The following LSAMP variants were observed in gnomAD, a reference collection of about 807,000 sequenced individuals.
LSAMP encodes limbic system-associated membrane protein.
In LSAMP, 7 loss-of-function variants were observed where a neutral mutation model predicts 38.6. The ratio of observed to expected loss-of-function variants is 0.18; its 90% CI spans 0.10 to 0.34. The LOEUF (loss-of-function observed/expected upper bound fraction) is 0.34, where lower values mean the gene tolerates loss of function less well. Among genes scored for constraint, LSAMP ranks in the 10% least tolerant of loss-of-function variants. LSAMP has a pLI of 1.00. For synonymous variants in LSAMP, 154 were observed against 166.8 expected (o/e 0.92, Z 0.59); for missense variants, 313 against 420.0 (o/e 0.75, Z 2.23).
intron 6 of LSAMP, among the ~76,000 whole-genome samples, chr3:115,824,305 T>A (rs1309894714): frequency 6.6e-6 from 1 of 152,224 alleles, no homozygotes; most frequent in Non-Finnish European, 1.5e-5. Flanking sequence ...TCTCTGCCCT[T>A]GTGCCTAAAA....
intron 1 of LSAMP, among the ~76,000 whole-genome samples, chr3:116,090,450 G>T (rs1708095110): frequency 6.6e-6 from 1 of 152,148 alleles, no homozygotes; most frequent in South Asian, 2.1e-4. Flanking sequence ...TGGCTCAACT[G>T]TGCATTAGGC....
chr3:116,226,397 C>T (rs750814266), intron 1 of LSAMP, among the ~76,000 whole-genome samples: 1 of 152,132 alleles, frequency 6.6e-6, no homozygotes, highest in African/African-American at 2.4e-5. Context: ...TTTCTGACAC[C>T]CCTTGGTTCC....
chr3:116,218,214 C>A (rs534536382), intron 1 of LSAMP, among the ~76,000 whole-genome samples: 20 of 152,048 alleles, frequency 1.3e-4, no homozygotes, highest in African/African-American at 4.3e-4. Flanking sequence ...GTCAGACTTA[C>A]CTACTAGATT....
chr3:115,930,051 G>A (rs1050580765), intron 3 of LSAMP, among the ~76,000 whole-genome samples: 1 of 110,498 alleles, frequency 9.0e-6, no homozygotes, highest in Non-Finnish European at 1.7e-5. Context: ...GTCTTGTGAA[G>A]TATTGAAGCC....
intron 3 of LSAMP, among the ~76,000 whole-genome samples, chr3:115,978,152 A>G (rs114368724): frequency 0.013 from 2,052 of 152,174 alleles, 44 homozygotes; most frequent in African/African-American, 0.045. Flanking sequence ...AACACCTGCC[A>G]CCACGCCCAG....
Position 116,164,760 on chromosome 3 carries a change from A to ATT in LSAMP, c.156-78206_156-78205dup, listed in dbSNP as rs1553709491. 9.8e-5 allele frequency among the ~76,000 whole-genome samples: 9 copies of ATT among 91,644 alleles called. 1 individual carries two copies. Among genetic ancestry groups the ATT allele is most frequent in the African/African-American group, 4.0e-4 (8 of 20,004 alleles). 60.1% of individuals were successfully genotyped at this position (91,644 alleles called of 152,430 possible). On this transcript the variant is annotated intron_variant, in intron 1 of 6. Transcript: ENST00000490035. Reference sequence around the variant, plus strand: ...TATATATCCATATATATATATATATATTTTTTTTTTTTTTCAAGTAGCATC... The same window carrying ATT: ...TATATATCCATATATATATATATATATTTTTTTTTTTTTTTTCAAGTAGCATC...
chr3:116,171,876 T>C (rs1474427497), intron 1 of LSAMP, among the ~76,000 whole-genome samples: 2 of 152,070 alleles, frequency 1.3e-5, no homozygotes, highest in African/African-American at 4.8e-5. Flanking sequence ...GACCAGTTCA[T>C]TGTGGTTCCT....
intron 3 of LSAMP, among the ~76,000 whole-genome samples, chr3:115,961,311 G>C (rs1352259859): frequency 1.3e-5 from 2 of 152,206 alleles, no homozygotes; most frequent in African/African-American, 4.8e-5. Flanking sequence ...TAGCAAGCTG[G>C]CCACATTCAC....
chr3:116,050,360 T>G (rs1169402115), intron 2 of LSAMP, among the ~76,000 whole-genome samples: 1 of 152,156 alleles, frequency 6.6e-6, no homozygotes, highest in Admixed American at 6.5e-5. Context: ...CTTGATTTCC[T>G]TACCCCCTGC....
chr3:115,852,754 C>A, intron 3 of LSAMP, 137 bp from the exon 4 acceptor site: 2 of 849,748 alleles, frequency 2.4e-6, no homozygotes, highest in Non-Finnish European at 3.4e-6. Flanking sequence ...ACATCAGATT[C>A]CACAGAAGCA....
chr3:116,253,634 C>T (rs1035706169), intron 1 of LSAMP, among the ~76,000 whole-genome samples: 1 of 152,192 alleles, frequency 6.6e-6, no homozygotes. Context: ...TCCTGTGGAG[C>T]TTCCTTTTCT....
rs564930538 is a variant in LSAMP, at chr3:116,235,593, A to G, written c.156-149037T>C. On this transcript the variant is annotated intron_variant, in intron 1 of 6. Transcript: ENST00000490035. ...ATCAGTGAAAGTATTACTTCATATCAATAAAGGAAAAGGAAATGACATTCC... is the reference window on the plus strand; with the variant it reads ...ATCAGTGAAAGTATTACTTCATATCGATAAAGGAAAAGGAAATGACATTCC... Among the ~76,000 whole-genome samples, 5 of 151,378 alleles carry G rather than the reference A, an allele frequency of 3.3e-5. No individual in the cohort carries two copies. The East Asian group carries it at 9.6e-4, about 29-fold the overall frequency.
At position 115,841,846 on chromosome 3, in the gene LSAMP, G is replaced by A. The variant is rs757461518; in HGVS notation, c.918C>T (p.Phe306=). 5.5e-5 allele frequency: 88 copies of A among 1,600,788 alleles called. No individual in the cohort carries two copies. The highest frequency in any genetic ancestry group is 7.1e-5 in the Non-Finnish European group (84 of 1,175,284). ...TGGGCCCTGCTTTGGCATACTTACT[G>A]AAAAGGACTAGGCTGGCATTGGTGA... is the stretch of plus-strand genomic sequence containing the variant. ...LGVTNASLVL[F]RPGSVRGING... is the part of the protein sequence containing the mutation. The change falls in exon 6 of 7, where the codon TTC becomes TTT. Residue 306 remains phenylalanine, a splice_region_variant and synonymous_variant. Transcript: ENST00000490035.
At chr3:116,008,561 C>A (rs1237315010) in intron 3 of LSAMP, among the ~76,000 whole-genome samples, 1 of 152,156 alleles carries the variant, frequency 6.6e-6, no homozygotes, top group Admixed American at 6.5e-5. Flanking sequence ...GTACACTAGG[C>A]AACATTTTTC....
chr3:116,314,426 T>C (rs2047601721), intron 1 of LSAMP, among the ~76,000 whole-genome samples: 1 of 152,104 alleles, frequency 6.6e-6, no homozygotes, highest in African/African-American at 2.4e-5. Context: ...GACAGATGCA[T>C]AAACAGATTA....
At chr3:116,393,000 TG>T (rs753682044) in intron 1 of LSAMP, among the ~76,000 whole-genome samples, 13 of 152,254 alleles carry the variant, frequency 8.5e-5, no homozygotes, top group Non-Finnish European at 1.8e-4. Flanking sequence ...AGCTGCCCAC[TG>T]GGGGTCTCCT....
intron 1 of LSAMP, among the ~76,000 whole-genome samples, chr3:116,150,325 C>T (rs992144336): frequency 6.6e-6 from 1 of 151,956 alleles, no homozygotes; most frequent in African/African-American, 2.4e-5. Flanking sequence ...CATAAAATAG[C>T]TATTCTCCCC....
At chr3:116,065,885 T>C (rs905165681) in intron 2 of LSAMP, among the ~76,000 whole-genome samples, 5 of 152,240 alleles carry the variant, frequency 3.3e-5, no homozygotes, top group Non-Finnish European at 5.9e-5. Flanking sequence ...TGAACTTGGA[T>C]AGTTATTTAT....
intron 3 of LSAMP, among the ~76,000 whole-genome samples, chr3:115,978,744 T>C (rs1300565141): frequency 2.0e-5 from 3 of 148,094 alleles, no homozygotes; most frequent in Admixed American, 6.7e-5. Context: ...GGGGAAAAAA[T>C]AGGGCAGGCT....
Sources: gnomAD v4.1 joint callset for allele counts (sites outside exome capture counted in the v4.1 genomes callset) on GRCh38, gnomAD v4.1.1 for gene constraint, MANE v1.5 for transcripts, NCBI Gene and HGNC (gene_info 2026-07-23, HGNC 2026-07-21) for gene names.